ABCC11: variants seen among roughly 807,000 people sequenced by gnomAD.
ABCC11 encodes ATP binding cassette subfamily C member 11.
A neutral mutation model predicts 149.3 loss-of-function variants in ABCC11; 135 were observed. The ratio of observed to expected loss-of-function variants is 0.90; its 90% CI spans 0.79 to 1.04. ABCC11 has a LOEUF of 1.04. Among genes scored for constraint, ABCC11 ranks in the 50% least tolerant of loss-of-function variants. The probability of loss-of-function intolerance (pLI) is 0.00; values close to 1 mark genes in which losing one functional copy is unlikely to be tolerated. For synonymous variants in ABCC11, 665 were observed against 671.4 expected, an observed-to-expected ratio of 0.99 and a Z score of 0.15; for missense variants, 1,680 against 1,722.1, an observed-to-expected ratio of 0.98 and a Z score of 0.43.
At chr16:48,243,546 G>C (rs1971127243) in intron 1 of ABCC11, among the ~76,000 whole-genome samples, 1 of 152,134 alleles carries the variant, frequency 6.6e-6, no homozygotes, top group South Asian at 2.1e-4. Flanking sequence ...GACATTAGTG[G>C]GAAAACTGGC....
chr16:48,246,923 T>A (rs1415109756), intron 1 of ABCC11, among the ~76,000 whole-genome samples: 1 of 119,284 alleles, frequency 8.4e-6, no homozygotes, highest in Non-Finnish European at 1.7e-5. Context: ...AATCCTCAAT[T>A]CTCCTGCTTG....
intron 1 of ABCC11, among the ~76,000 whole-genome samples, chr16:48,246,102 G>C (rs1397346898): frequency 2.0e-5 from 3 of 152,112 alleles, no homozygotes; most frequent in Admixed American, 2.0e-4. Context: ...AAAGGAGACT[G>C]GTACCTCCCC....
At chr16:48,223,435 A>C (rs143268694) in intron 5 of ABCC11, 1 of 156,518 alleles carries the variant, frequency 6.4e-6, no homozygotes, top group Non-Finnish European at 1.4e-5. Flanking sequence ...AATGTGATCC[A>C]CATTAGGGGC....
Position 48,178,528 on chromosome 16 carries a change from T to C in ABCC11, c.3348+69A>G, listed in dbSNP as rs144621946. 217 of 1,480,860 alleles carry C rather than the reference T, an allele frequency of 1.5e-4. 1 individual carries two copies. The African/African-American group carries it at 2.4e-3, about 17-fold the overall frequency. The allele number at this position is 1,480,860 out of a possible 1,614,324, so 91.7% of individuals were successfully genotyped here. A position where few individuals can be genotyped will look rare whatever the true frequency, so the allele number is the denominator to read the frequency against. The stretch of plus-strand genomic sequence containing the variant: ...TCAGGGCTCTGAGGCCAGTGGGGCT[T>C]GTAGAGGTCACAGAAGTCATGCCCC... On this transcript the variant is annotated intron_variant, in intron 24 of 29. Transcript: ENST00000356608.
chr16:48,235,895 G>A (rs889547722), intron 1 of ABCC11, among the ~76,000 whole-genome samples: 6 of 152,164 alleles, frequency 3.9e-5, no homozygotes, highest in African/African-American at 1.4e-4. Flanking sequence ...GAACAGGAGG[G>A]GAGCCACTGG....
At chr16:48,203,393 C>T in intron 13 of ABCC11, 93 bp from the exon 14 acceptor site, 1 of 1,223,516 alleles carries the variant, frequency 8.2e-7, no homozygotes, top group Non-Finnish European at 1.2e-6. Flanking sequence ...GATTTTCATG[C>T]TAAGAAATTT....
intron 23 of ABCC11, among the ~76,000 whole-genome samples, chr16:48,182,661 T>C (rs2150752578): frequency 6.6e-6 from 1 of 151,956 alleles, no homozygotes; most frequent in Non-Finnish European, 1.5e-5. Context: ...CGGGCCCCTG[T>C]AGTCCCAGTT....
chr16:48,223,360 G>T (rs1212231581), intron 5 of ABCC11, among the ~76,000 whole-genome samples: 3 of 152,222 alleles, frequency 2.0e-5, no homozygotes, highest in African/African-American at 7.2e-5. Context: ...CCTCCTTCCA[G>T]TCTCCTATTA....
Position 48,167,313 on chromosome 16 carries a change from G to C in ABCC11, c.4110C>G (p.Phe1370Leu), listed in dbSNP as rs200540970. 2.1e-5 allele frequency: 20 copies of C among 942,136 alleles called. No homozygotes were observed. The South Asian group carries it at 2.4e-4, about 12-fold the overall frequency. 58.4% of individuals were successfully genotyped at this position (942,136 alleles called of 1,614,324 possible). A position where few individuals can be genotyped will look rare whatever the true frequency, so the allele number is the denominator to read the frequency against. The change falls in exon 30 of 30, where the codon TTC becomes TTG. Residue 1370 changes from phenylalanine (F) to leucine (L), a missense_variant. Transcript: ENST00000356608. ...AAGTGGCTGTGGCCATGAGGGCTGC[G>C]AACAATGACCCAGGCTTCTTCCGCA... ...EVLRKKPGSL[F>L]AALMATATSS...
intron 17 of ABCC11, among the ~76,000 whole-genome samples, chr16:48,197,428 C>T (rs1220786070): frequency 6.6e-6 from 1 of 152,090 alleles, no homozygotes; most frequent in Non-Finnish European, 1.5e-5. Context: ...GCCGAGAATT[C>T]AGAGAGGTTA....
At chr16:48,230,308 G>T (rs1970345488) in intron 3 of ABCC11, 129 bp downstream of exon 3, 1 of 1,161,344 alleles carries the variant, frequency 8.6e-7, no homozygotes, top group African/African-American at 1.6e-5. Context: ...TGTGCCTCAG[G>T]CTGCTCTGAA....
chr16:48,227,889 C>CATG lies in ABCC11; in HGVS notation c.309_311dup (p.Leu103_Met104insIle). 3 of 1,614,128 alleles carry CATG rather than the reference C, an allele frequency of 1.9e-6. No homozygotes were observed. The highest frequency in any genetic ancestry group is 2.5e-6 in the Non-Finnish European group (3 of 1,180,002). On this transcript the variant is annotated inframe_insertion, in exon 4 of 30. Transcript: ENST00000356608. Reference sequence around the variant, plus strand: ...CTAAGCGACTCCGTAAGCTTTGGATCATGAGCGGGGTGAGCCATGACACGG... The same window carrying CATG: ...CTAAGCGACTCCGTAAGCTTTGGATCATGATGAGCGGGGTGAGCCATGACACGG...
chr16:48,192,549 T>C lies in ABCC11; in HGVS notation c.2677A>G (p.Thr893Ala). 1 of 1,614,248 alleles carries C rather than the reference T, an allele frequency of 6.2e-7. No homozygotes were observed. Among genetic ancestry groups the C allele is most frequent in the Non-Finnish European group, 8.5e-7 (1 of 1,180,056 alleles). Reference protein sequence around the residue: ...IFTKVTRKASTALHNKLFNKV... With the variant: ...IFTKVTRKASAALHNKLFNKV... ...TTGAAGAGCTTGTTGTGCAGGGCCG[T>C]GGATGCCTTCCTCGTGACCTTGGTG... The change falls in exon 20 of 30, where the codon ACG becomes GCG. Residue 893 changes from threonine to alanine, a missense_variant. Thr to Ala is a moderately conservative substitution (Grantham distance 58, BLOSUM62 0). Transcript: ENST00000356608.
At chr16:48,216,070 C>G in intron 7 of ABCC11, 44 bp downstream of exon 7, 1 of 1,591,014 alleles carries the variant, frequency 6.3e-7, no homozygotes, top group South Asian at 1.1e-5. Context: ...AGCCCTGGGA[C>G]TTCTGGGGCC....
In ABCC11 at chr16:48,215,186, A is replaced by G. The variant is rs1256850105; in HGVS notation, c.1099+11T>C. The G allele has an allele frequency of 6.2e-7, 1 of 1,603,846 alleles. No homozygotes were observed. The highest frequency in any genetic ancestry group is 1.7e-5 in the Admixed American group (1 of 59,822). ...CACCAGGTTTGGAGCAGAAAGTCAG[A>G]CTTTCCATACCTTCAATGATTTTTG... is the stretch of plus-strand genomic sequence containing the variant. On this transcript the variant is annotated intron_variant, in intron 8 of 29. Coordinates refer to ENST00000356608, the MANE Select transcript of ABCC11 (RefSeq NM_001370497.1).
At chr16:48,224,230 C>A (rs2150900806) in intron 5 of ABCC11, 52 bp downstream of exon 5, 3 of 1,583,636 alleles carry the variant, frequency 1.9e-6, no homozygotes, top group Non-Finnish European at 2.6e-6. Context: ...AGTTCCATCG[C>A]TAAACCTCTG....
At chr16:48,220,066 C>T (rs1177494883) in intron 6 of ABCC11, among the ~76,000 whole-genome samples, 1 of 152,214 alleles carries the variant, frequency 6.6e-6, no homozygotes, top group Admixed American at 6.5e-5. Flanking sequence ...ACTTCCATCT[C>T]CACTCTCAAA....
In ABCC11 at chr16:48,210,940, A is replaced by G; in HGVS notation, c.1608+8T>C. On this transcript the variant is annotated splice_region_variant and intron_variant, in intron 11 of 29. Coordinates refer to ENST00000356608, the MANE Select transcript of ABCC11 (RefSeq NM_001370497.1). ...GCTGGCCTGCCTGCGTGGCCTGAAC[A>G]AGGCTACCTTGGACACCACCAGGTT... is the stretch of plus-strand genomic sequence containing the variant. 1.2e-6 allele frequency: 2 copies of G among 1,612,766 alleles called. No homozygotes were observed. The highest frequency in any genetic ancestry group is 1.7e-6 in the Non-Finnish European group (2 of 1,178,878).
At chr16:48,178,728 G>A (rs113171969) in intron 23 of ABCC11, 42 bp from the exon 24 acceptor site, 9 of 1,562,204 alleles carry the variant, frequency 5.8e-6, no homozygotes, top group African/African-American at 4.1e-5. Flanking sequence ...AGGCTGCTGG[G>A]GTGTGCTCAG....
Sources: allele counts gnomAD v4.1 joint callset (sites outside exome capture counted in the v4.1 genomes callset), GRCh38; gene constraint gnomAD v4.1.1; transcripts MANE v1.5; gene names NCBI Gene and HGNC (gene_info 2026-07-23, HGNC 2026-07-21).